Variants in BRSK1 observed in about 807,000 individuals in gnomAD.
The protein encoded by BRSK1 is serine/threonine-protein kinase BRSK1.
A neutral mutation model predicts 86.2 loss-of-function variants in BRSK1; 17 were observed. That is an observed-to-expected ratio of 0.20 (90% CI 0.14 to 0.30). The LOEUF (loss-of-function observed/expected upper bound fraction) is 0.30. BRSK1 is among the 10% of genes least tolerant of loss of function. The pLI, the probability that BRSK1 is intolerant of heterozygous loss-of-function variation, is 1.00. For synonymous variants in BRSK1, 464 were observed against 440.1 expected, an observed-to-expected ratio of 1.05 and a Z score of -0.68; for missense variants, 719 against 1,071.9, an observed-to-expected ratio of 0.67 and a Z score of 4.60.
rs746043904 is a variant in BRSK1 at position 55,303,667 on chromosome 19, AC to A, written c.1135del (p.Arg379GlyfsTer9). 5.2e-5 allele frequency: 83 copies of A among 1,585,236 alleles called. No individual in the cohort carries two copies. Among genetic ancestry groups the A allele is most frequent in the South Asian group, 1.4e-4 (12 of 87,494 alleles). On this transcript the variant is annotated frameshift_variant and splice_region_variant, in exon 12 of 19. Coordinates refer to ENST00000309383, the MANE Select transcript of BRSK1 (RefSeq NM_032430.2). LOFTEE classifies it high-confidence loss of function. The surrounding 1 kb of genome is among the most constrained non-coding windows in gnomAD (Gnocchi z 5.1). ...DQDLPPRNDVDPPRKRVDSPM... is the reference protein window; with the variant it reads ...DQDLPPRNDVXPPRKRVDSPM... Reference sequence around the variant, plus strand: ...TTGGGTTGAAACTGTTGTCCCTCAGACCCCCCCCGGAAGCGTGTGGATTCTC... The same window carrying A: ...TTGGGTTGAAACTGTTGTCCCTCAGACCCCCCCGGAAGCGTGTGGATTCTC...
Position 55,284,330 on chromosome 19 carries a change from G to A in BRSK1, c.-113G>A. 1 of 871,376 alleles carries A rather than the reference G, an allele frequency of 1.1e-6. No homozygotes were observed. The highest frequency in any genetic ancestry group is 1.5e-6 in the Non-Finnish European group (1 of 655,878). The allele number at this position is 871,376 out of a possible 1,614,324, so 54.0% of individuals were successfully genotyped here. On this transcript the variant is annotated 5_prime_UTR_variant, in exon 1 of 19. Transcript: ENST00000309383. ...CCCCCTGGGGACCCCCGGAGAGGTGGGGGGCAGCCGGGGGGGCCGGGACGG... is the reference window on the plus strand; with the variant it reads ...CCCCCTGGGGACCCCCGGAGAGGTGAGGGGCAGCCGGGGGGGCCGGGACGG...
chr19:55,304,611 T>G lies in BRSK1; in HGVS notation c.1408T>G (p.Ser470Ala), dbSNP rs747737039. ...GAGDEARGGG[S>A]PTSKTQTLPS... ...TGGAGATGAGGCTCGAGGCGGGGGC[T>G]CCCCGACTTCCAAAACGCAGACGCT... is the stretch of plus-strand genomic sequence containing the variant. Residue 470 changes from serine (S) to alanine (A), a missense_variant, in exon 14 of 19, where the codon TCC becomes GCC. Ser to Ala is a moderately conservative substitution (Grantham distance 99). Coordinates refer to ENST00000309383, the MANE Select transcript of BRSK1 (RefSeq NM_032430.2). This position sits in a 1 kb window ranked among gnomAD's most constrained non-coding sequence, Gnocchi z 5.2. 16 of 1,560,404 alleles carry G rather than the reference T, an allele frequency of 1.0e-5. No individual in the cohort carries two copies. The highest frequency in any genetic ancestry group is 1.4e-5 in the Non-Finnish European group (16 of 1,155,470).
Position 55,312,535 on chromosome 19 carries a change from A to G in BRSK1, c.*467A>G, listed in dbSNP as rs2088831860. 7.0e-6 allele frequency: 1 copy of G among 142,968 alleles called. No homozygotes were observed. Among genetic ancestry groups the G allele is most frequent in the Non-Finnish European group, 1.5e-5 (1 of 65,998 alleles). The allele number at this position is 142,968 out of a possible 1,614,324, so 8.9% of individuals were successfully genotyped here. ...CGTGTCTCTGATTCCGCCGGCGGCA[A>G]AAAAAAAAAAAAAAAAAAAAAAAAA... On this transcript the variant is annotated 3_prime_UTR_variant, in exon 19 of 19. Coordinates refer to ENST00000309383, the MANE Select transcript of BRSK1 (RefSeq NM_032430.2).
intron 16 of BRSK1, 27 bp downstream of exon 16, chr19:55,305,613 C>A (rs1337607330): frequency 7.4e-6 from 12 of 1,613,280 alleles, no homozygotes; most frequent in Non-Finnish European, 8.5e-6. Context: ...CCCATCGAGC[C>A]TGGCCCCCGC....
At position 55,300,534 on chromosome 19, in the gene BRSK1, C is replaced by A. The variant is rs182766916; in HGVS notation, c.679-978C>A. ...CCTGGCCAACGTGGTGAAACCCCAT[C>A]TCTGCTAAAAATACAAAAATTAGGC... On this transcript the variant is annotated intron_variant, in intron 7 of 18. Transcript: ENST00000309383. Among the ~76,000 whole-genome samples, 421 of 152,244 alleles carry A rather than the reference C, an allele frequency of 2.8e-3. 1 individual carries two copies. The highest frequency in any genetic ancestry group is 9.8e-3 in the African/African-American group (407 of 41,532).
At position 55,284,121 on chromosome 19, in the gene BRSK1, G is replaced by C. The variant is rs970311575; in HGVS notation, c.-322G>C. ...GGGACCTCGGCCTGCAGCATCCGCC[G>C]GCCCGCACCTCAGACCCCCCCGGCG... On this transcript the variant is annotated 5_prime_UTR_variant, in exon 1 of 19. Coordinates refer to ENST00000309383, the MANE Select transcript of BRSK1 (RefSeq NM_032430.2). The C allele has an allele frequency of 5.2e-5, 62 of 1,198,654 alleles. No homozygotes were observed. The highest frequency in any genetic ancestry group is 6.5e-5 in the Non-Finnish European group (62 of 958,478). 74.3% of individuals were successfully genotyped at this position (1,198,654 alleles called of 1,614,324 possible). A position where few individuals can be genotyped will look rare whatever the true frequency, so the allele number is the denominator to read the frequency against.
At chr19:55,299,379 T>G (rs1489701404) in intron 7 of BRSK1, among the ~76,000 whole-genome samples, 1 of 116,840 alleles carries the variant, frequency 8.6e-6, no homozygotes, top group African/African-American at 3.1e-5. Context: ...TGGTTTTTTT[T>G]TTTGTTTTGT....
At chr19:55,296,154 A>C (rs934917296) in intron 7 of BRSK1, among the ~76,000 whole-genome samples, 8 of 143,244 alleles carry the variant, frequency 5.6e-5, no homozygotes, top group South Asian at 2.3e-4. Flanking sequence ...CCTCCTCCCC[A>C]CTCCTGTAAG....
intron 18 of BRSK1, 22 bp downstream of exon 18, chr19:55,308,750 G>T (rs1600195883): frequency 1.0e-6 from 1 of 971,116 alleles, no homozygotes; most frequent in East Asian, 4.1e-5. Flanking sequence ...GGCCGTGGGT[G>T]GTGGGGGGCG....
intron 7 of BRSK1, among the ~76,000 whole-genome samples, chr19:55,296,019 C>G (rs1468392527): frequency 6.6e-6 from 1 of 152,102 alleles, no homozygotes; most frequent in Non-Finnish European, 1.5e-5. Flanking sequence ...GCTCCTACCA[C>G]AGGGCCTTTC....
chr19:55,289,072 C>T (rs2088366287), intron 3 of BRSK1, among the ~76,000 whole-genome samples: 1 of 152,182 alleles, frequency 6.6e-6, no homozygotes, highest in Non-Finnish European at 1.5e-5. Flanking sequence ...GGGGTATCTT[C>T]ACTTCCCAGG....
Position 55,303,790 on chromosome 19 carries a change from C to T in BRSK1, c.1250C>T (p.Thr417Ile). ...DAGGGGSPVP[T>I]RRALEMAQHS... ...GGGGGTGGTGGCTCCCCTGTACCCACCCGACGGGCCTTGGAGATGGCCCAG... is the reference window on the plus strand; with the variant it reads ...GGGGGTGGTGGCTCCCCTGTACCCATCCGACGGGCCTTGGAGATGGCCCAG... Residue 417 changes from threonine (T) to isoleucine (I), a missense_variant, in exon 12 of 19, where the codon ACC (threonine) becomes ATC (isoleucine). This residue lies in a region of BRSK1 where 168 missense variants were observed against 246.3 expected (regional missense o/e 0.68). Transcript: ENST00000309383. The surrounding 1 kb of genome is among the most constrained non-coding windows in gnomAD (Gnocchi z 5.1). 5.6e-6 allele frequency: 9 copies of T among 1,601,970 alleles called. No individual in the cohort carries two copies. The highest frequency in any genetic ancestry group is 7.7e-6 in the Non-Finnish European group (9 of 1,173,504).
intron 8 of BRSK1, 107 bp downstream of exon 8, chr19:55,301,765 A>T: frequency 7.5e-7 from 1 of 1,338,274 alleles, no homozygotes; most frequent in Non-Finnish European, 1.0e-6. Flanking sequence ...GTCAGTCCCC[A>T]GGGTGACTGG....
chr19:55,304,437 A>G lies in BRSK1; in HGVS notation c.1348-114A>G. Reference sequence around the variant, plus strand: ...GCCTGGGAAGGAGGATACTTGGACTACAAGTTGCAGCATGCACCGGGCCAG... The same window carrying G: ...GCCTGGGAAGGAGGATACTTGGACTGCAAGTTGCAGCATGCACCGGGCCAG... On this transcript the variant is annotated intron_variant, in intron 13 of 18. Transcript: ENST00000309383. This position sits in a 1 kb window ranked among gnomAD's most constrained non-coding sequence, Gnocchi z 5.2. 8.0e-7 allele frequency: 1 copy of G among 1,255,486 alleles called. No individual in the cohort carries two copies. The highest frequency in any genetic ancestry group is 1.1e-6 in the Non-Finnish European group (1 of 933,348). 77.8% of individuals were successfully genotyped at this position (1,255,486 alleles called of 1,614,324 possible).
Position 55,303,132 on chromosome 19 carries a change from A to T in BRSK1, c.1029-179A>T, listed in dbSNP as rs1229135869. Reference sequence around the variant, plus strand: ...GGATGTTAGGTGTTACAGTGTTATTATAATTGAGTGAAACACAGCTGAGAT... The same window carrying T: ...GGATGTTAGGTGTTACAGTGTTATTTTAATTGAGTGAAACACAGCTGAGAT... On this transcript the variant is annotated intron_variant, in intron 10 of 18. Coordinates refer to ENST00000309383, the MANE Select transcript of BRSK1 (RefSeq NM_032430.2). The surrounding 1 kb of genome is among the most constrained non-coding windows in gnomAD (Gnocchi z 5.1). 1.4e-5 allele frequency: 9 copies of T among 641,782 alleles called. No individual in the cohort carries two copies. Among genetic ancestry groups the T allele is most frequent in the Non-Finnish European group, 2.4e-5 (9 of 373,034 alleles). 39.8% of individuals were successfully genotyped at this position (641,782 alleles called of 1,614,324 possible).
At chr19:55,292,691 G>C (rs1267315505) in intron 4 of BRSK1, among the ~76,000 whole-genome samples, 3 of 151,828 alleles carry the variant, frequency 2.0e-5, no homozygotes, top group Non-Finnish European at 4.4e-5. Context: ...AAAATTAGCT[G>C]GGCGTGGTGG....
At position 55,284,398 on chromosome 19, in the gene BRSK1, A is replaced by AG. The variant is rs1168186433; in HGVS notation, c.-38dup. ...ACCGGAGAGACGGGGCGACGGCCGC[A>AG]GGGGGGGCGGCCGGGGGACCGGTCG... On this transcript the variant is annotated 5_prime_UTR_variant, in exon 1 of 19. Transcript: ENST00000309383. 6.2e-5 allele frequency: 60 copies of AG among 960,910 alleles called. No homozygotes were observed. Among genetic ancestry groups the AG allele is most frequent in the Middle Eastern group, 4.2e-4 (1 of 2,402 alleles). 59.5% of individuals were successfully genotyped at this position (960,910 alleles called of 1,614,324 possible). A position where few individuals can be genotyped will look rare whatever the true frequency, so the allele number is the denominator to read the frequency against.
chr19:55,294,295 G>A lies in BRSK1; in HGVS notation c.610-34G>A, dbSNP rs1454552868. 1 of 1,614,146 alleles carries A rather than the reference G, an allele frequency of 6.2e-7. No homozygotes were observed. The highest frequency in any genetic ancestry group is 8.5e-7 in the Non-Finnish European group (1 of 1,180,034). ...GGAGAGGGGTGGAGGCAGCAGTGAG[G>A]AGCGATGAAGTCACAACTGGCCTTC... is the stretch of plus-strand genomic sequence containing the variant. On this transcript the variant is annotated intron_variant, in intron 6 of 18. Coordinates refer to ENST00000309383, the MANE Select transcript of BRSK1 (RefSeq NM_032430.2). The surrounding 1 kb of genome is among the most constrained non-coding windows in gnomAD (Gnocchi z 4.9).
intron 14 of BRSK1, 95 bp downstream of exon 14, chr19:55,305,015 AG>A (rs2088628480): frequency 6.5e-7 from 1 of 1,537,158 alleles, no homozygotes; most frequent in East Asian, 2.3e-5. Flanking sequence ...CTAGAGAGGA[AG>A]GGACTGGGGG....
Sources: gnomAD v4.1 joint callset for allele counts (sites outside exome capture counted in the v4.1 genomes callset) on GRCh38, gnomAD v4.1.1 for gene constraint, gnomAD v4.1.1 regional missense constraint, Gnocchi (gnomAD v3.1) non-coding constraint, MANE v1.5 for transcripts, NCBI Gene and HGNC (gene_info 2026-07-23, HGNC 2026-07-21) for gene names.